The following CACNA2D3 variants were observed in gnomAD, a reference collection of about 807,000 sequenced individuals.
CACNA2D3 encodes the protein calcium voltage-gated channel auxiliary subunit alpha2delta 3, also known as voltage-dependent calcium channel subunit alpha-2/delta-3.
Under a neutral mutation model 160.6 loss-of-function variants are expected in CACNA2D3, and 60 were observed. That is an observed-to-expected ratio of 0.37 (90% CI 0.30 to 0.46). The LOEUF (loss-of-function observed/expected upper bound fraction) is 0.46. CACNA2D3 is among the 20% of genes least tolerant of loss of function. CACNA2D3 has a pLI of 1.00. For missense variants in CACNA2D3, 1,205 were observed against 1,365.0 expected, an observed-to-expected ratio of 0.88 and a Z score of 1.85; for synonymous variants, 558 against 492.9, an observed-to-expected ratio of 1.13 and a Z score of -1.75.
At chr3:54,626,112 C>T in intron 9 of CACNA2D3, 1 of 609,614 alleles carries the variant, frequency 1.6e-6, no homozygotes, top group Non-Finnish European at 3.0e-6. Context: ...AGTGGGGATG[C>T]CTTTGGGGAG....
intron 2 of CACNA2D3, among the ~76,000 whole-genome samples, chr3:54,137,337 ATTTG>A (rs1289087685): frequency 3.9e-5 from 6 of 152,182 alleles, no homozygotes; most frequent in Non-Finnish European, 7.3e-5. Context: ...CCATTCTCCA[ATTTG>A]TGAGATGGAG....
rs186495949 is a variant in CACNA2D3 at position 54,137,589 on chromosome 3, C to T, written c.204+13995C>T. Among the ~76,000 whole-genome samples, 45 of 152,228 alleles carry T rather than the reference C, an allele frequency of 3.0e-4. 1 individual carries two copies. Among genetic ancestry groups the T allele is most frequent in the Admixed American group, 1.4e-3 (22 of 15,286 alleles). On this transcript the variant is annotated intron_variant, in intron 2 of 37. Transcript: ENST00000474759. Reference sequence around the variant, plus strand: ...TCAGTGCCTTTCAAACTTCTTAAACCGTGGCTTACAGTAAAGAATACATGT... The same window carrying T: ...TCAGTGCCTTTCAAACTTCTTAAACTGTGGCTTACAGTAAAGAATACATGT...
At chr3:54,464,786 C>G (rs1034282025) in intron 4 of CACNA2D3, among the ~76,000 whole-genome samples, 4 of 152,238 alleles carry the variant, frequency 2.6e-5, no homozygotes, top group Non-Finnish European at 4.4e-5. Flanking sequence ...ACGCACTGTC[C>G]TGCGCCCACT....
At position 54,864,959 on chromosome 3, in the gene CACNA2D3, G is replaced by C. The variant is rs145936425; in HGVS notation, c.1627-6580G>C. Among the ~76,000 whole-genome samples, 235 of 152,336 alleles carry C rather than the reference G, an allele frequency of 1.5e-3. 1 individual carries two copies. Among genetic ancestry groups the C allele is most frequent in the African/African-American group, 5.2e-3 (218 of 41,578 alleles). On this transcript the variant is annotated intron_variant, in intron 17 of 37. Transcript: ENST00000474759. ...ATCCCTCACCTGGAGTTGTGAAAAT[G>C]AAACGAGACACGTACCGCTGTTAGC...
chr3:54,814,264 G>A (rs1057408656), intron 13 of CACNA2D3, among the ~76,000 whole-genome samples: 2 of 152,158 alleles, frequency 1.3e-5, no homozygotes, highest in Admixed American at 1.3e-4. Context: ...TTAGAGCTGG[G>A]TCTCAAGGTA....
chr3:54,563,808 T>C (rs901447067), intron 6 of CACNA2D3, among the ~76,000 whole-genome samples: 3 of 152,120 alleles, frequency 2.0e-5, no homozygotes, highest in Admixed American at 6.5e-5. Flanking sequence ...CCTTCCCACT[T>C]TGAGGCACAG....
At chr3:54,326,632 T>G (rs2107513586) in intron 3 of CACNA2D3, among the ~76,000 whole-genome samples, 1 of 152,354 alleles carries the variant, frequency 6.6e-6, no homozygotes. Flanking sequence ...GGAAAGGTTC[T>G]TAAGACAGAA....
chr3:54,713,682 G>A (rs143835041), intron 11 of CACNA2D3, among the ~76,000 whole-genome samples: 1 of 152,188 alleles, frequency 6.6e-6, no homozygotes, highest in Non-Finnish European at 1.5e-5. Context: ...GGAGGGCCTG[G>A]CAGAAACTGC....
intron 3 of CACNA2D3, among the ~76,000 whole-genome samples, chr3:54,329,155 A>C (rs1263066024): frequency 1.3e-5 from 2 of 152,288 alleles, no homozygotes; most frequent in African/African-American, 4.8e-5. Context: ...CATGTGTATT[A>C]GCCATTTCTT....
At chr3:54,738,119 G>T (rs1404652554) in intron 11 of CACNA2D3, among the ~76,000 whole-genome samples, 1 of 152,112 alleles carries the variant, frequency 6.6e-6, no homozygotes, top group Non-Finnish European at 1.5e-5. Flanking sequence ...GTCACAGAAT[G>T]GTATTTTAGC....
intron 35 of CACNA2D3, among the ~76,000 whole-genome samples, chr3:55,071,432 T>A (rs358071): frequency 0.75 from 114,354 of 152,154 alleles, 43,235 homozygotes; most frequent in African/African-American, 0.78. Flanking sequence ...AAATACTTTT[T>A]AATATTTTTC....
chr3:54,470,957 T>C (rs1700719885), intron 4 of CACNA2D3, among the ~76,000 whole-genome samples: 1 of 152,028 alleles, frequency 6.6e-6, no homozygotes, highest in Admixed American at 6.6e-5. Flanking sequence ...TCCCACACAA[T>C]AATAATGAGA....
chr3:55,022,814 A>G (rs1029059552), intron 35 of CACNA2D3, among the ~76,000 whole-genome samples: 5 of 151,722 alleles, frequency 3.3e-5, no homozygotes, highest in African/African-American at 9.7e-5. Flanking sequence ...TCTCTCCTCC[A>G]GAACAAACAA....
At chr3:54,534,524 C>T (rs1701857258) in intron 5 of CACNA2D3, among the ~76,000 whole-genome samples, 1 of 151,962 alleles carries the variant, frequency 6.6e-6, no homozygotes, top group South Asian at 2.1e-4. Flanking sequence ...GCCTTTCCCG[C>T]TGTAATGGTA....
At chr3:54,457,660 T>C (rs374051463) in intron 4 of CACNA2D3, among the ~76,000 whole-genome samples, 2 of 152,046 alleles carry the variant, frequency 1.3e-5, no homozygotes, top group African/African-American at 4.8e-5. Flanking sequence ...GGTTTGGAAG[T>C]CCCCAGATTT....
chr3:54,358,581 G>A (rs1451055401), intron 3 of CACNA2D3, among the ~76,000 whole-genome samples: 2 of 152,194 alleles, frequency 1.3e-5, no homozygotes, highest in African/African-American at 4.8e-5. Context: ...AGGCCCTTGA[G>A]CAATCTCCCA....
intron 11 of CACNA2D3, among the ~76,000 whole-genome samples, chr3:54,739,587 G>C (rs1701603579): frequency 6.6e-6 from 1 of 151,994 alleles, no homozygotes; most frequent in South Asian, 2.1e-4. Flanking sequence ...ACTATGCTTA[G>C]AAAAGGAATA....
At chr3:54,139,791 G>A (rs1699886772) in intron 2 of CACNA2D3, among the ~76,000 whole-genome samples, 1 of 152,220 alleles carries the variant, frequency 6.6e-6, no homozygotes. Context: ...CAAGTGTGGT[G>A]TGTTCACAGC....
intron 35 of CACNA2D3, among the ~76,000 whole-genome samples, chr3:55,040,286 T>C (rs1434768491): frequency 6.6e-6 from 1 of 152,186 alleles, no homozygotes; most frequent in Non-Finnish European, 1.5e-5. Context: ...CATATGACTC[T>C]GGGTGGGATA....
Sources: gnomAD v4.1 joint callset for allele counts (sites outside exome capture counted in the v4.1 genomes callset) on GRCh38, gnomAD v4.1.1 for gene constraint, MANE v1.5 for transcripts, NCBI Gene and HGNC (gene_info 2026-07-23, HGNC 2026-07-21) for gene names.